Variants in PTK7 observed in about 807,000 individuals in gnomAD.
PTK7 encodes the protein inactive tyrosine-protein kinase 7.
A neutral mutation model predicts 116.6 loss-of-function variants in PTK7; 39 were observed. That is an observed-to-expected ratio of 0.33 (90% CI 0.26 to 0.44). The LOEUF (loss-of-function observed/expected upper bound fraction) is 0.44, where lower values mean the gene tolerates loss of function less well. PTK7 is among the 20% of genes least tolerant of loss of function. PTK7 has a pLI of 1.00. For missense variants in PTK7, 1,169 were observed against 1,425.6 expected (o/e 0.82, Z 2.90); for synonymous variants, 546 against 563.6 (o/e 0.97, Z 0.44).
Position 43,143,956 on chromosome 6 carries a change from C to T in PTK7, c.2251+336C>T, listed in dbSNP as rs1770578385. On this transcript the variant is annotated intron_variant, in intron 14 of 19. Coordinates refer to ENST00000230419, the MANE Select transcript of PTK7 (RefSeq NM_002821.5). The surrounding 1 kb of genome is among the most constrained non-coding windows in gnomAD (Gnocchi z 4.2). The stretch of plus-strand genomic sequence containing the variant: ...TTGTCTCCCTCTATGAGTCTAAGAG[C>T]TCCCCCAGGGGCAGTCTTTCTGTTT... 1.3e-5 allele frequency among the ~76,000 whole-genome samples: 2 copies of T among 152,234 alleles called. No individual in the cohort carries two copies.
chr6:43,112,990 A>G (rs1768275971), intron 1 of PTK7, among the ~76,000 whole-genome samples: 2 of 151,986 alleles, frequency 1.3e-5, no homozygotes, highest in Non-Finnish European at 2.9e-5. Context: ...CACTGCACAC[A>G]GCTAATTTTT....
chr6:43,158,281 A>G (rs145389181), intron 17 of PTK7, among the ~76,000 whole-genome samples: 3,225 of 151,750 alleles, frequency 0.021, 119 homozygotes, highest in African/African-American at 0.072. Flanking sequence ...CCTGGGCAAC[A>G]GAGCAAGACT....
intron 1 of PTK7, among the ~76,000 whole-genome samples, chr6:43,116,647 T>TGCGCGCGC (rs1417461604): frequency 1.3e-5 from 1 of 74,254 alleles, no homozygotes; most frequent in African/African-American, 6.2e-5. Context: ...TGTGTGTGTG[T>TGCGCGCGC]GTGTGCGCGC....
At chr6:43,118,690 T>TATATATGTCTGTATATATACGTATATAC (rs1768753087) in intron 1 of PTK7, among the ~76,000 whole-genome samples, 2 of 105,460 alleles carry the variant, frequency 1.9e-5, no homozygotes, top group African/African-American at 4.4e-5. Context: ...TATATATATG[T>TATATATGTCTGTATATATACGTATATAC]ATATATGTAT....
intron 17 of PTK7, among the ~76,000 whole-genome samples, chr6:43,157,116 G>GA (rs1308329353): frequency 2.0e-5 from 3 of 149,208 alleles, no homozygotes; most frequent in African/African-American, 7.4e-5. Flanking sequence ...TGAGGGGAGG[G>GA]AGAACATATG....
In PTK7 at chr6:43,117,126, C is replaced by CGT. The variant is rs1561954838; in HGVS notation, c.80-11850_80-11849dup. Among the ~76,000 whole-genome samples, 16 of 152,238 alleles carry CGT rather than the reference C, an allele frequency of 1.1e-4. No individual in the cohort carries two copies. The East Asian group carries it at 3.1e-3, about 29-fold the overall frequency. On this transcript the variant is annotated intron_variant, in intron 1 of 19. Coordinates refer to ENST00000230419, the MANE Select transcript of PTK7 (RefSeq NM_002821.5). ...ATCAGGCGTGAGCCACCATGCCCAC[C>CGT]GTAGACTTCAACTATGGACAGCTCT... is the stretch of plus-strand genomic sequence containing the variant.
At position 43,139,096 on chromosome 6, in the gene PTK7, G is replaced by A; in HGVS notation, c.1363-40G>A. On this transcript the variant is annotated intron_variant, in intron 8 of 19. Transcript: ENST00000230419. The surrounding 1 kb of genome is among the most constrained non-coding windows in gnomAD (Gnocchi z 4.6). ...GGAGGCAGCCTCCAGGGAGAGGTGG[G>A]TGTGGGTTCAGGCTCTGAGGCCTCT... The A allele has an allele frequency of 1.2e-6, 2 of 1,612,602 alleles. No homozygotes were observed. The highest frequency in any genetic ancestry group is 1.7e-6 in the Non-Finnish European group (2 of 1,178,886).
chr6:43,077,063 G>C (rs1344237987), intron 1 of PTK7: 1 of 1,289,260 alleles, frequency 7.8e-7, no homozygotes, highest in East Asian at 3.0e-5. Context: ...TACCTACGCC[G>C]ACCCGACGTT....
At chr6:43,154,962 G>A (rs1049510859) in intron 17 of PTK7, among the ~76,000 whole-genome samples, 4 of 152,378 alleles carry the variant, frequency 2.6e-5, no homozygotes, top group African/African-American at 9.6e-5. Flanking sequence ...ATGAAGCCAA[G>A]GCTGGGCCCT....
Position 43,129,240 on chromosome 6 carries a change from G to A in PTK7, c.343G>A (p.Ala115Thr). ...TGTCACTGGAGAAGAAGCCCGCAGT[G>A]CCAACGCCTCCTTCAACATCAAATG... ...DDVTGEEARS[A>T]NASFNIKWIE... Residue 115 changes from alanine (A) to threonine (T), a missense_variant, in exon 2 of 20, where the codon GCC (alanine) becomes ACC (threonine). By Grantham distance (58) the Ala-to-Thr change is moderately conservative (BLOSUM62 0). Transcript: ENST00000230419. This position sits in a 1 kb window ranked among gnomAD's most constrained non-coding sequence, Gnocchi z 4.5. 1 of 1,614,090 alleles carries A rather than the reference G, an allele frequency of 6.2e-7. No homozygotes were observed. Among genetic ancestry groups the A allele is most frequent in the Non-Finnish European group, 8.5e-7 (1 of 1,180,028 alleles).
chr6:43,132,640 C>G lies in PTK7; in HGVS notation c.1181C>G (p.Ala394Gly). Residue 394 changes from alanine (A) to glycine (G), a missense_variant, in exon 7 of 20, where the codon GCC becomes GGC. By Grantham distance (60) the Ala-to-Gly change is moderately conservative. Transcript: ENST00000230419. Reference sequence around the variant, plus strand: ...GCTGGTGTCTACACCTGCCACGCGGCCAACCTGGCTGGTCAGCGGAGACAG... The same window carrying G: ...GCTGGTGTCTACACCTGCCACGCGGGCAACCTGGCTGGTCAGCGGAGACAG... ...SDAGVYTCHA[A>G]NLAGQRRQDV... The G allele has an allele frequency of 5.0e-6, 8 of 1,587,290 alleles. No homozygotes were observed. The highest frequency in any genetic ancestry group is 6.9e-6 in the Non-Finnish European group (8 of 1,166,994).
chr6:43,157,379 T>TTC (rs1771563959), intron 17 of PTK7, among the ~76,000 whole-genome samples: 1 of 100,892 alleles, frequency 9.9e-6, no homozygotes, highest in Non-Finnish European at 2.0e-5. Context: ...TTTTTTTCTT[T>TTC]TTTTTTTTTT....
At chr6:43,144,999 T>G (rs1349540548) in intron 15 of PTK7, 1 of 465,692 alleles carries the variant, frequency 2.1e-6, no homozygotes, top group African/African-American at 1.9e-5. Flanking sequence ...CTTTGGAAAA[T>G]GCTGAATATT....
intron 1 of PTK7, among the ~76,000 whole-genome samples, chr6:43,113,996 C>T (rs747569152): frequency 1.3e-5 from 2 of 148,298 alleles, no homozygotes; most frequent in South Asian, 2.3e-4. Flanking sequence ...TGAGCAGCCC[C>T]GGGGCCTGTG....
intron 1 of PTK7, among the ~76,000 whole-genome samples, chr6:43,106,705 G>A (rs1370222681): frequency 1.4e-5 from 2 of 143,270 alleles, no homozygotes. Flanking sequence ...CCAGGCTGGA[G>A]TGCAGTGGTG....
chr6:43,076,848 C>A lies in PTK7; in HGVS notation c.79+281C>A. 1.4e-6 allele frequency: 2 copies of A among 1,451,660 alleles called. No homozygotes were observed. The highest frequency in any genetic ancestry group is 2.6e-5 in the South Asian group (2 of 75,862). 89.9% of individuals were successfully genotyped at this position (1,451,660 alleles called of 1,614,324 possible). On this transcript the variant is annotated intron_variant, in intron 1 of 19. Coordinates refer to ENST00000230419, the MANE Select transcript of PTK7 (RefSeq NM_002821.5). The surrounding 1 kb of genome is among the most constrained non-coding windows in gnomAD (Gnocchi z 5.7). ...TTCTGGTCTGAGCCGAGAGTTTGCT[C>A]GAGAACTGCCGAGAGTTGCTGGCTC...
intron 1 of PTK7, among the ~76,000 whole-genome samples, chr6:43,086,404 G>T (rs1212477892): frequency 1.3e-5 from 2 of 151,394 alleles, no homozygotes; most frequent in Non-Finnish European, 3.0e-5. Flanking sequence ...TCCCCTCCAG[G>T]AGACACTCTG....
At chr6:43,082,330 C>T (rs564748153) in intron 1 of PTK7, among the ~76,000 whole-genome samples, 2 of 152,248 alleles carry the variant, frequency 1.3e-5, no homozygotes, top group South Asian at 2.1e-4. Context: ...CGCGCACCAC[C>T]ACGCCAGGCT....
At chr6:43,152,778 T>C (rs1430052207) in intron 17 of PTK7, among the ~76,000 whole-genome samples, 1 of 151,776 alleles carries the variant, frequency 6.6e-6, no homozygotes, top group Non-Finnish European at 1.5e-5. Flanking sequence ...TGTTATGTTA[T>C]GTTATGTTAT....
Sources: gnomAD v4.1 joint callset for allele counts (sites outside exome capture counted in the v4.1 genomes callset) on GRCh38, gnomAD v4.1.1 for gene constraint, Gnocchi (gnomAD v3.1) non-coding constraint, MANE v1.5 for transcripts, NCBI Gene and HGNC (gene_info 2026-07-23, HGNC 2026-07-21) for gene names.